The following CACNA2D3 variants were observed in gnomAD, a reference collection of about 807,000 sequenced individuals.
CACNA2D3 encodes calcium voltage-gated channel auxiliary subunit alpha2delta 3, also known as voltage-dependent calcium channel subunit alpha-2/delta-3.
CACNA2D3 carries 60 observed loss-of-function variants against 160.6 expected under a neutral mutation model. The observed-to-expected ratio is 0.37, with a 90% CI of 0.30 to 0.46. CACNA2D3 has a LOEUF of 0.46. CACNA2D3 is among the 20% of genes least tolerant of loss of function. CACNA2D3 has a pLI of 1.00. For synonymous variants in CACNA2D3, 558 were observed against 492.9 expected (o/e 1.13, Z -1.75); for missense variants, 1,205 against 1,365.0 (o/e 0.88, Z 1.85).
At chr3:54,872,800 T>G (rs748418822) in intron 18 of CACNA2D3, among the ~76,000 whole-genome samples, 2 of 152,190 alleles carry the variant, frequency 1.3e-5, no homozygotes, top group African/African-American at 2.4e-5. Flanking sequence ...TGATAAAAGC[T>G]CCTTCCTCCT....
intron 2 of CACNA2D3, among the ~76,000 whole-genome samples, chr3:54,138,433 C>A (rs1576951461): frequency 6.6e-6 from 1 of 152,300 alleles, no homozygotes; most frequent in Middle Eastern, 3.4e-3. Context: ...TTTTGCCTAG[C>A]ACCTAGAGAA....
chr3:54,463,171 G>T (rs1700540700), intron 4 of CACNA2D3, among the ~76,000 whole-genome samples: 1 of 151,900 alleles, frequency 6.6e-6, no homozygotes, highest in African/African-American at 2.4e-5. Flanking sequence ...GCTTCCCTTT[G>T]TGGGTAACCC....
intron 2 of CACNA2D3, among the ~76,000 whole-genome samples, chr3:54,295,512 T>C (rs973549373): frequency 3.3e-5 from 5 of 152,172 alleles, no homozygotes; most frequent in Non-Finnish European, 5.9e-5. Context: ...AGGATGTACC[T>C]TGGTTCAGTC....
At chr3:54,421,931 G>A (rs1057294334) in intron 4 of CACNA2D3, among the ~76,000 whole-genome samples, 1 of 152,204 alleles carries the variant, frequency 6.6e-6, no homozygotes. Context: ...CCACCACACC[G>A]AGAGCCTTAT....
intron 11 of CACNA2D3, among the ~76,000 whole-genome samples, chr3:54,715,554 C>T (rs750383698): frequency 1.3e-5 from 2 of 152,020 alleles, no homozygotes; most frequent in Non-Finnish European, 2.9e-5. Flanking sequence ...AATTTCCAGT[C>T]CTCTAATCAG....
chr3:54,643,917 T>C (rs1699581096), intron 11 of CACNA2D3, among the ~76,000 whole-genome samples: 1 of 152,114 alleles, frequency 6.6e-6, no homozygotes, highest in Admixed American at 6.5e-5. Flanking sequence ...CAAATGATGG[T>C]GAAGGATATT....
intron 2 of CACNA2D3, among the ~76,000 whole-genome samples, chr3:54,311,436 A>C (rs1703741226): frequency 6.6e-6 from 1 of 152,200 alleles, no homozygotes; most frequent in Non-Finnish European, 1.5e-5. Context: ...GGAATCATAT[A>C]TGCTGCATAG....
intron 11 of CACNA2D3, among the ~76,000 whole-genome samples, chr3:54,686,160 GC>G (rs1296077562): frequency 1.4e-4 from 21 of 152,318 alleles, no homozygotes; most frequent in Middle Eastern, 3.4e-3. Context: ...CTGGCCTGCT[GC>G]CTATTGATAT....
chr3:55,019,279 A>C (rs956977898), intron 35 of CACNA2D3, among the ~76,000 whole-genome samples: 1 of 151,734 alleles, frequency 6.6e-6, no homozygotes, highest in African/African-American at 2.4e-5. Context: ...TTCTTCTTCT[A>C]AGTTTTCTTA....
At chr3:54,246,370 A>C (rs1202194026) in intron 2 of CACNA2D3, among the ~76,000 whole-genome samples, 1 of 152,166 alleles carries the variant, frequency 6.6e-6, no homozygotes, top group East Asian at 1.9e-4. Context: ...ATGCTCGAAC[A>C]ATTTTTCCTT....
chr3:54,534,354 C>T (rs1701853418), intron 5 of CACNA2D3, among the ~76,000 whole-genome samples: 1 of 152,116 alleles, frequency 6.6e-6, no homozygotes, highest in African/African-American at 2.4e-5. Context: ...GATTGCATCA[C>T]ATCTCCACTC....
intron 10 of CACNA2D3, among the ~76,000 whole-genome samples, chr3:54,635,074 A>G (rs1412072223): frequency 6.6e-6 from 1 of 151,862 alleles, no homozygotes; most frequent in African/African-American, 2.4e-5. Flanking sequence ...GCGGTGTGGG[A>G]ACCTAGAGTC....
intron 11 of CACNA2D3, among the ~76,000 whole-genome samples, chr3:54,730,993 G>T (rs1203389161): frequency 6.6e-6 from 1 of 152,134 alleles, no homozygotes; most frequent in African/African-American, 2.4e-5. Flanking sequence ...GAAAGATGGG[G>T]AACTGTGCTT....
At chr3:55,004,643 T>G (rs1703050691) in intron 31 of CACNA2D3, 120 bp from the exon 32 acceptor site, 1 of 667,218 alleles carries the variant, frequency 1.5e-6, no homozygotes, top group Non-Finnish European at 2.7e-6. Flanking sequence ...ATGTTAGGGC[T>G]GCATGGTGTT....
At chr3:54,340,541 A>G (rs1704495259) in intron 3 of CACNA2D3, among the ~76,000 whole-genome samples, 1 of 152,230 alleles carries the variant, frequency 6.6e-6, no homozygotes, top group Non-Finnish European at 1.5e-5. Flanking sequence ...CAGTATTTCA[A>G]AAGAATGGGA....
intron 35 of CACNA2D3, among the ~76,000 whole-genome samples, chr3:55,033,313 T>C (rs1703718221): frequency 6.6e-6 from 1 of 152,058 alleles, no homozygotes; most frequent in Non-Finnish European, 1.5e-5. Flanking sequence ...ACATGGTAAG[T>C]AACTAGTGTG....
intron 35 of CACNA2D3, among the ~76,000 whole-genome samples, chr3:55,040,263 G>T (rs776243616): frequency 1.3e-5 from 2 of 152,078 alleles, no homozygotes; most frequent in Non-Finnish European, 2.9e-5. Flanking sequence ...CACATTGCAG[G>T]TAAGAGTTTC....
chr3:54,186,125 C>T (rs925258887), intron 2 of CACNA2D3, among the ~76,000 whole-genome samples: 8 of 152,142 alleles, frequency 5.3e-5, no homozygotes, highest in African/African-American at 1.9e-4. Context: ...TCTGTATCTC[C>T]AGCCCTGAGG....
rs538927294 is a variant in CACNA2D3, at chr3:54,960,431, A to G, written c.2450-8019A>G. Among the ~76,000 whole-genome samples, 6 of 152,328 alleles carry G rather than the reference A, an allele frequency of 3.9e-5. No individual in the cohort carries two copies. In the South Asian group the frequency reaches 6.2e-4, roughly 16 times the overall value. On this transcript the variant is annotated intron_variant, in intron 27 of 37. Coordinates refer to ENST00000474759, the MANE Select transcript of CACNA2D3 (RefSeq NM_018398.3). ...AAATACCTCCTCCCCTTTTATCATT[A>G]TATTTCTTCACTTGCACTAGGCTAA...
Sources: gnomAD v4.1 joint callset for allele counts (sites outside exome capture counted in the v4.1 genomes callset) on GRCh38, gnomAD v4.1.1 for gene constraint, MANE v1.5 for transcripts, NCBI Gene and HGNC (gene_info 2026-07-23, HGNC 2026-07-21) for gene names.